Variants in CFAP74 observed in about 807,000 individuals in gnomAD.
CFAP74 encodes cilia- and flagella-associated protein 74.
In CFAP74, 124 loss-of-function variants were observed where a neutral mutation model predicts 188.9. That is an observed-to-expected ratio of 0.66 (90% CI 0.57 to 0.76). CFAP74 has a LOEUF of 0.76. Among genes scored for constraint, CFAP74 ranks in the 30% least tolerant of loss-of-function variants. CFAP74 has a pLI of 0.00. For missense variants in CFAP74, 2,198 were observed against 2,165.2 expected, an observed-to-expected ratio of 1.02 and a Z score of -0.30; for synonymous variants, 956 against 916.7, an observed-to-expected ratio of 1.04 and a Z score of -0.77.
chr1:1,988,384 G>T lies in CFAP74; in HGVS notation c.296+128C>A, dbSNP rs1245044090. On this transcript the variant is annotated intron_variant, in intron 4 of 38. Coordinates refer to ENST00000682832, the MANE Select transcript of CFAP74 (RefSeq NM_001304360.2). ...GCTTGCAGAACTGCTCCTCCATGGAGACCCTGTGCGACCCTCCCTTGCAGG... is the reference window on the plus strand; with the variant it reads ...GCTTGCAGAACTGCTCCTCCATGGATACCCTGTGCGACCCTCCCTTGCAGG... 1.1e-5 allele frequency: 12 copies of T among 1,127,948 alleles called. No individual in the cohort carries two copies. The East Asian group carries it at 1.4e-4, about 13-fold the overall frequency. 69.9% of individuals were successfully genotyped at this position (1,127,948 alleles called of 1,614,324 possible). A position where few individuals can be genotyped will look rare whatever the true frequency, so the allele number is the denominator to read the frequency against.
chr1:1,922,479 C>T (rs566161944), intron 38 of CFAP74, 91 bp from the exon 39 acceptor site: 16 of 1,546,102 alleles, frequency 1.0e-5, no homozygotes, highest in East Asian at 2.3e-5. Context: ...CCACCTGACT[C>T]CCTTGGGTCC....
At chr1:1,928,728 G>C in intron 27 of CFAP74, 56 bp downstream of exon 27, 2 of 1,360,784 alleles carry the variant, frequency 1.5e-6, no homozygotes, top group South Asian at 2.5e-5. Flanking sequence ...GGTGGAGTTT[G>C]TTCCTGCAAC....
At chr1:1,955,281 AG>A in intron 18 of CFAP74, 2 of 1,294,774 alleles carry the variant, frequency 1.5e-6, no homozygotes, top group Non-Finnish European at 2.0e-6. Context: ...AGGCATGGGG[AG>A]GGCAGGGCCC....
rs1363365310 is a variant in CFAP74, at chr1:1,973,258, C to T, written c.675-211G>A. ...TGTCAAACTCTCCACGCTACTGGGG[C>T]TCCAGTGCCAGGGAGCCACCAAAGG... On this transcript the variant is annotated intron_variant, in intron 7 of 38. Transcript: ENST00000682832. This position sits in a 1 kb window ranked among gnomAD's most constrained non-coding sequence, Gnocchi z 6.2. Among the ~76,000 whole-genome samples, 1 of 152,232 alleles carries T rather than the reference C, an allele frequency of 6.6e-6. No homozygotes were observed. The highest frequency in any genetic ancestry group is 1.5e-5 in the Non-Finnish European group (1 of 68,038).
At position 1,942,249 on chromosome 1, in the gene CFAP74, C is replaced by T. The variant is rs1172564688; in HGVS notation, c.2487-93G>A. The T allele has an allele frequency of 1.5e-6, 2 of 1,295,372 alleles. No individual in the cohort carries two copies. 80.2% of individuals were successfully genotyped at this position (1,295,372 alleles called of 1,614,324 possible). ...GAGTTATTAAAACATTTCTGGCACCCAAGCCCCCGAGAGGTGCTCAGAGCC... is the reference window on the plus strand; with the variant it reads ...GAGTTATTAAAACATTTCTGGCACCTAAGCCCCCGAGAGGTGCTCAGAGCC... On this transcript the variant is annotated intron_variant, in intron 21 of 38. Coordinates refer to ENST00000682832, the MANE Select transcript of CFAP74 (RefSeq NM_001304360.2). The surrounding 1 kb of genome is among the most constrained non-coding windows in gnomAD (Gnocchi z 4.3).
At chr1:2,003,254 C>T (rs149926334) in intron 1 of CFAP74, among the ~76,000 whole-genome samples, 5 of 152,310 alleles carry the variant, frequency 3.3e-5, no homozygotes, top group African/African-American at 1.2e-4. Context: ...CAGTACCTGG[C>T]TTATGCAGAT....
At chr1:1,972,229 C>A (rs1656136050) in intron 8 of CFAP74, 147 bp from the exon 9 acceptor site, 1 of 655,342 alleles carries the variant, frequency 1.5e-6, no homozygotes, top group South Asian at 1.7e-5. Flanking sequence ...CACAGGCATG[C>A]ACCACCACAA....
At chr1:1,970,238 G>A (rs935674171) in intron 10 of CFAP74, among the ~76,000 whole-genome samples, 8 of 152,242 alleles carry the variant, frequency 5.3e-5, no homozygotes, top group Non-Finnish European at 7.3e-5. Flanking sequence ...CCAGGTGGAC[G>A]GCCCTGGACA....
intron 21 of CFAP74, among the ~76,000 whole-genome samples, chr1:1,943,582 G>C (rs1313509564): frequency 6.6e-6 from 1 of 152,256 alleles, no homozygotes; most frequent in Non-Finnish European, 1.5e-5. Context: ...CGGCGTGGCT[G>C]TTCAGGGCAG....
intron 2 of CFAP74, among the ~76,000 whole-genome samples, chr1:1,990,376 G>A (rs943601705): frequency 6.7e-5 from 10 of 150,156 alleles, no homozygotes; most frequent in South Asian, 2.1e-4. Context: ...GGGCGGGAGA[G>A]GGAGACAGTG....
At chr1:1,946,557 G>T (rs1463317353) in intron 19 of CFAP74, 118 bp from the exon 20 acceptor site, 14 of 1,313,884 alleles carry the variant, frequency 1.1e-5, no homozygotes, top group Non-Finnish European at 1.4e-5. Flanking sequence ...CGTGTCCCTG[G>T]GTGGCCACTT....
At chr1:1,924,823 C>T (rs1651732038) in intron 33 of CFAP74, among the ~76,000 whole-genome samples, 1 of 152,242 alleles carries the variant, frequency 6.6e-6, no homozygotes, top group Non-Finnish European at 1.5e-5. Flanking sequence ...TTAGCTGAAC[C>T]CACGTCCCCA....
At position 1,972,082 on chromosome 1, in the gene CFAP74, T is replaced by G. The variant is rs1483721408; in HGVS notation, c.786A>C (p.Arg262Ser). The G allele has an allele frequency of 1.9e-6, 3 of 1,610,136 alleles. No homozygotes were observed. The highest frequency in any genetic ancestry group is 2.5e-6 in the Non-Finnish European group (3 of 1,178,278). ...CCTCCTTCTTCTCTTGCTCTCGGAT[T>G]CTGAGGAAGGACATTTAAACATTTT... ...AVRFLKASLG[R>S]IREQEKKEEM... Residue 262 changes from arginine to serine, a missense_variant and splice_region_variant, in exon 9 of 39, where the codon AGA becomes AGC. Arg to Ser is a moderately radical substitution (Grantham distance 110). Coordinates refer to ENST00000682832, the MANE Select transcript of CFAP74 (RefSeq NM_001304360.2).
At chr1:1,969,793 C>T (rs977973625) in intron 10 of CFAP74, among the ~76,000 whole-genome samples, 10 of 152,076 alleles carry the variant, frequency 6.6e-5, no homozygotes, top group South Asian at 2.1e-4. Context: ...GGCTCTGTGG[C>T]ACCCAGAGGA....
intron 18 of CFAP74, among the ~76,000 whole-genome samples, chr1:1,948,749 T>G (rs1653962409): frequency 6.6e-6 from 1 of 152,066 alleles, no homozygotes; most frequent in Admixed American, 6.6e-5. Flanking sequence ...TCACCACGCC[T>G]GGCTAAATTT....
intron 25 of CFAP74, among the ~76,000 whole-genome samples, chr1:1,933,584 C>G (rs1211772616): frequency 3.9e-5 from 6 of 152,188 alleles, no homozygotes; most frequent in Admixed American, 6.5e-5. Context: ...AGATGTTCAT[C>G]ATGTTCTCTT....
In CFAP74 at chr1:1,924,404, C is replaced by T. The variant is rs746844995; in HGVS notation, c.4221G>A (p.Arg1407=). The T allele has an allele frequency of 1.3e-5, 13 of 997,320 alleles. No individual in the cohort carries two copies. Among genetic ancestry groups the T allele is most frequent in the South Asian group, 1.4e-5 (1 of 73,464 alleles). 61.8% of individuals were successfully genotyped at this position (997,320 alleles called of 1,614,324 possible). The stretch of plus-strand genomic sequence containing the variant: ...CCCCCCGCTCACCGACCACCTCCGT[C>T]CTCTGGGAGGGCGAGCTGAGGAACT... The part of the protein sequence containing the change: ...LPQFLSSPSQ[R]TEVVGTQNLN... Residue 1407 remains arginine, a synonymous_variant, in exon 34 of 39, where the codon AGG becomes AGA. Transcript: ENST00000682832.
chr1:1,952,888 G>A (rs1570898280), intron 18 of CFAP74, among the ~76,000 whole-genome samples: 1 of 152,008 alleles, frequency 6.6e-6, no homozygotes, highest in East Asian at 1.9e-4. Flanking sequence ...AAACTCCTGA[G>A]CTCAAGCGAT....
Position 1,987,054 on chromosome 1 carries a change from G to C in CFAP74, c.297-19C>G, listed in dbSNP as rs781493134. On this transcript the variant is annotated intron_variant, in intron 4 of 38. Transcript: ENST00000682832. ...CTCCCCTCTGGAACAGGGAAACAAAGGTCAGATGATGGTTCCCTGAAACTC... is the reference window on the plus strand; with the variant it reads ...CTCCCCTCTGGAACAGGGAAACAAACGTCAGATGATGGTTCCCTGAAACTC... The C allele has an allele frequency of 3.2e-5, 50 of 1,572,500 alleles. No homozygotes were observed. Among genetic ancestry groups the C allele is most frequent in the Non-Finnish European group, 3.7e-5 (43 of 1,157,244 alleles).
Sources: gnomAD v4.1 joint callset for allele counts (sites outside exome capture counted in the v4.1 genomes callset) on GRCh38, gnomAD v4.1.1 for gene constraint, Gnocchi (gnomAD v3.1) non-coding constraint, MANE v1.5 for transcripts, NCBI Gene and HGNC (gene_info 2026-07-23, HGNC 2026-07-21) for gene names.